Variants in TAF3 observed in about 807,000 individuals in gnomAD.
TAF3 encodes transcription initiation factor TFIID subunit 3.
In TAF3, 7 loss-of-function variants were observed where a neutral mutation model predicts 80.6. The observed-to-expected ratio is 0.09, with a 90% CI of 0.05 to 0.16. The LOEUF (loss-of-function observed/expected upper bound fraction) is 0.16. Ranked by LOEUF, TAF3 falls within the 10% of genes least tolerant of loss-of-function variation. The pLI is 1.00. For missense variants in TAF3, 921 were observed against 1,140.2 expected, an observed-to-expected ratio of 0.81 and a Z score of 2.77; for synonymous variants, 444 against 446.1, an observed-to-expected ratio of 1.00 and a Z score of 0.06.
intron 2 of TAF3, among the ~76,000 whole-genome samples, chr10:7,856,380 C>T (rs1205747340): frequency 2.0e-5 from 3 of 151,854 alleles, no homozygotes; most frequent in African/African-American, 7.3e-5. Context: ...CTCGGGAGGC[C>T]GAGGCAGGAG....
chr10:7,966,206 C>CT (rs1266830819), intron 3 of TAF3, among the ~76,000 whole-genome samples: 7 of 152,186 alleles, frequency 4.6e-5, no homozygotes, highest in Non-Finnish European at 7.3e-5. Context: ...CCTTGGTTTT[C>CT]TTTTTGGTGC....
chr10:7,892,452 G>A lies in TAF3; in HGVS notation c.409+67892G>A, dbSNP rs544949897. 2.6e-5 allele frequency among the ~76,000 whole-genome samples: 4 copies of A among 152,266 alleles called. No homozygotes were observed. The East Asian group carries it at 5.8e-4, about 22-fold the overall frequency. On this transcript the variant is annotated intron_variant, in intron 2 of 6. Coordinates refer to ENST00000344293, the MANE Select transcript of TAF3 (RefSeq NM_031923.4). ...AAAATTTTGTAAACATAGTCAAAAA[G>A]CAATTGAAAACTTGCTGGGTTGCTC...
At chr10:7,850,674 CAA>C (rs869282243) in intron 2 of TAF3, among the ~76,000 whole-genome samples, 1 of 124,386 alleles carries the variant, frequency 8.0e-6, no homozygotes, top group Non-Finnish European at 1.7e-5. Flanking sequence ...GACTCCATCT[CAA>C]AAAAAAAAAA....
In TAF3 at chr10:7,965,335, G is replaced by A. The variant is rs1203715560; in HGVS notation, c.1825G>A (p.Val609Met). The stretch of plus-strand genomic sequence containing the variant: ...CAAAGTGAAATTGAAAGATGGACTT[G>A]TGAGGAAGGAGAAAGAGAAGCATAA... ...DPKVKLKDGLVRKEKEKHKDK... is the reference protein window; with the variant it reads ...DPKVKLKDGLMRKEKEKHKDK... Residue 609 changes from valine (V) to methionine (M), a missense_variant, in exon 3 of 7, where the codon GTG (valine) becomes ATG (methionine). Val to Met is a conservative substitution (Grantham distance 21). Around this residue, in one of 6 missense-constraint regions of TAF3, gnomAD observed 743 missense variants for 821.0 expected, o/e 0.90. Coordinates refer to ENST00000344293, the MANE Select transcript of TAF3 (RefSeq NM_031923.4). 1.9e-6 allele frequency: 3 copies of A among 1,604,190 alleles called. No homozygotes were observed. Among genetic ancestry groups the A allele is most frequent in the East Asian group, 4.5e-5 (2 of 44,838 alleles).
chr10:8,009,954 G>A lies in TAF3; in HGVS notation c.2568+624G>A, dbSNP rs1832038481. On this transcript the variant is annotated intron_variant, in intron 5 of 6. Transcript: ENST00000344293. The surrounding 1 kb of genome is among the most constrained non-coding windows in gnomAD (Gnocchi z 4.1). ...TGAAAGGGGATTTCACTCTGTCACC[G>A]AGGCTGGAGTGCAGTGGTACGATCT... Among the ~76,000 whole-genome samples the A allele has an allele frequency of 6.6e-6, 1 of 150,692 alleles. No individual in the cohort carries two copies. Among genetic ancestry groups the A allele is most frequent in the Non-Finnish European group, 1.5e-5 (1 of 67,742 alleles).
chr10:7,839,543 A>G (rs777980977), intron 2 of TAF3, among the ~76,000 whole-genome samples: 4 of 152,192 alleles, frequency 2.6e-5, no homozygotes, highest in Non-Finnish European at 5.9e-5. Context: ...TGACAGTGGG[A>G]TCCCAGGTTT....
intron 2 of TAF3, among the ~76,000 whole-genome samples, chr10:7,886,031 T>C (rs1362342424): frequency 6.6e-6 from 1 of 152,094 alleles, no homozygotes; most frequent in Non-Finnish European, 1.5e-5. Context: ...TGGGCCCAAG[T>C]GATCCTCCTG....
intron 2 of TAF3, among the ~76,000 whole-genome samples, chr10:7,842,669 C>G (rs1836930078): frequency 6.6e-6 from 1 of 152,138 alleles, no homozygotes; most frequent in African/African-American, 2.4e-5. Context: ...TGAAGCGTGA[C>G]AGTTCAAAGC....
In TAF3 at chr10:7,965,701, G is replaced by C. The variant is rs1449244864; in HGVS notation, c.2191G>C (p.Glu731Gln). ...KEREKEKRER[E>Q]KREKEKEKHK... is the part of the protein sequence containing the mutation. ...AAGAGAGAAAGAGAAGAGAGAGCGA[G>C]AGAAGAGAGAAAAAGAGAAGGAGAA... The change falls in exon 3 of 7, where the codon GAG becomes CAG. Residue 731 changes from glutamate (E) to glutamine (Q), a missense_variant. Transcript: ENST00000344293. 3.2e-6 allele frequency: 5 copies of C among 1,558,116 alleles called. No homozygotes were observed. The highest frequency in any genetic ancestry group is 4.3e-6 in the Non-Finnish European group (5 of 1,162,310).
chr10:7,988,742 C>G (rs1404631982), intron 4 of TAF3, among the ~76,000 whole-genome samples: 1 of 102,654 alleles, frequency 9.7e-6, no homozygotes, highest in Non-Finnish European at 1.9e-5. Flanking sequence ...GAGTGAGATT[C>G]TGTCTCTCAG....
In TAF3 at chr10:7,965,308, C is replaced by T. The variant is rs1335974435; in HGVS notation, c.1798C>T (p.Pro600Ser). 1.2e-6 allele frequency: 2 copies of T among 1,604,556 alleles called. No individual in the cohort carries two copies. The highest frequency in any genetic ancestry group is 2.3e-5 in the South Asian group (2 of 88,128). The change falls in exon 3 of 7, where the codon CCC becomes TCC. Residue 600 changes from proline to serine, a missense_variant. Pro to Ser is a moderately conservative substitution (Grantham distance 74). This residue lies in a region of TAF3 where 743 missense variants were observed against 821.0 expected (regional missense o/e 0.90). Transcript: ENST00000344293. The part of the protein sequence containing the change: ...FKIKEFEDVD[P>S]KVKLKDGLVR... ...AATCAAAGAATTTGAAGATGTTGATCCCAAAGTGAAATTGAAAGATGGACT... is the reference window on the plus strand; with the variant it reads ...AATCAAAGAATTTGAAGATGTTGATTCCAAAGTGAAATTGAAAGATGGACT...
Position 7,818,570 on chromosome 10 carries a change from T to G in TAF3, c.-140T>G. 2.2e-6 allele frequency: 2 copies of G among 902,548 alleles called. No homozygotes were observed. The highest frequency in any genetic ancestry group is 3.2e-6 in the Non-Finnish European group (2 of 633,626). The allele number at this position is 902,548 out of a possible 1,614,324, so 55.9% of individuals were successfully genotyped here. ...TGGCGCGCTCCGTGCTGCTGGGGCT[T>G]TGAGGTGGTCGCCGGGGGTCCGGGG... On this transcript the variant is annotated 5_prime_UTR_variant, in exon 1 of 7. Transcript: ENST00000344293.
intron 4 of TAF3, among the ~76,000 whole-genome samples, chr10:7,983,483 C>T (rs1831747153): frequency 6.6e-6 from 1 of 152,190 alleles, no homozygotes; most frequent in Non-Finnish European, 1.5e-5. Context: ...CATTTCAGAA[C>T]GTCATCCTGT....
chr10:7,924,608 C>A (rs1035019964), intron 2 of TAF3, among the ~76,000 whole-genome samples: 1 of 152,132 alleles, frequency 6.6e-6, no homozygotes, highest in African/African-American at 2.4e-5. Context: ...CTTAAGAATG[C>A]GCTATCTTGG....
intron 2 of TAF3, among the ~76,000 whole-genome samples, chr10:7,849,824 C>T (rs1396494170): frequency 6.6e-6 from 1 of 152,000 alleles, no homozygotes; most frequent in Non-Finnish European, 1.5e-5. Flanking sequence ...GGACCACAGG[C>T]ATGCACCACC....
chr10:7,987,322 A>G (rs1202581265), intron 4 of TAF3, among the ~76,000 whole-genome samples: 1 of 152,130 alleles, frequency 6.6e-6, no homozygotes, highest in Non-Finnish European at 1.5e-5. Context: ...GTCTCAAAAA[A>G]AAATAAAAAA....
intron 2 of TAF3, among the ~76,000 whole-genome samples, chr10:7,831,503 G>A (rs1208682435): frequency 6.6e-6 from 1 of 152,056 alleles, no homozygotes; most frequent in African/African-American, 2.4e-5. Flanking sequence ...GTGCCACCAC[G>A]CCCGGCTAAT....
chr10:7,869,014 T>G (rs1207977633), intron 2 of TAF3, among the ~76,000 whole-genome samples: 1 of 152,160 alleles, frequency 6.6e-6, no homozygotes, highest in Non-Finnish European at 1.5e-5. Flanking sequence ...ATTGGATCAT[T>G]GGATTCATAA....
chr10:7,910,596 G>A (rs1240208143), intron 2 of TAF3, among the ~76,000 whole-genome samples: 1 of 152,120 alleles, frequency 6.6e-6, no homozygotes, highest in African/African-American at 2.4e-5. Flanking sequence ...GGCCAGGCTG[G>A]TCTCCAACTC....
Sources: allele counts gnomAD v4.1 joint callset (sites outside exome capture counted in the v4.1 genomes callset), GRCh38; gene constraint gnomAD v4.1.1; regional missense constraint gnomAD v4.1.1; non-coding constraint Gnocchi (gnomAD v3.1); transcripts MANE v1.5; gene names NCBI Gene and HGNC (gene_info 2026-07-23, HGNC 2026-07-21).